DLGAP1: variants seen among roughly 807,000 people sequenced by gnomAD.
The protein encoded by DLGAP1 is DLG associated protein 1.
DLGAP1 carries 11 observed loss-of-function variants against 90.8 expected under a neutral mutation model. The ratio of observed to expected loss-of-function variants is 0.12; its 90% CI spans 0.08 to 0.20. The LOEUF is 0.20. Among genes scored for constraint, DLGAP1 ranks in the 10% least tolerant of loss-of-function variants. The pLI, the probability that DLGAP1 is intolerant of heterozygous loss-of-function variation, is 1.00. For missense variants in DLGAP1, 1,050 were observed against 1,333.8 expected, an observed-to-expected ratio of 0.79 and a Z score of 3.31; for synonymous variants, 558 against 540.7, an observed-to-expected ratio of 1.03 and a Z score of -0.44.
chr18:4,426,078 A>G (rs2083146102), intron 1 of DLGAP1, among the ~76,000 whole-genome samples: 1 of 152,208 alleles, frequency 6.6e-6, no homozygotes, highest in Admixed American at 6.5e-5. Context: ...CCAGAACACT[A>G]TAAAAACACA....
intron 1 of DLGAP1, among the ~76,000 whole-genome samples, chr18:4,219,013 C>T (rs1002252117): frequency 6.9e-5 from 9 of 130,242 alleles, no homozygotes; most frequent in Non-Finnish European, 4.8e-5. Context: ...GGGTCTTATG[C>T]TAGTTCTATC....
intron 6 of DLGAP1, among the ~76,000 whole-genome samples, chr18:3,732,703 G>T (rs915435875): frequency 7.2e-5 from 11 of 152,100 alleles, no homozygotes; most frequent in Non-Finnish European, 1.6e-4. Context: ...TTTTTGACAT[G>T]AAAGTAGTAA....
intron 3 of DLGAP1, among the ~76,000 whole-genome samples, chr18:3,925,555 A>T (rs1004384119): frequency 2.0e-5 from 3 of 152,122 alleles, no homozygotes; most frequent in Non-Finnish European, 4.4e-5. Context: ...AAATGTGTAT[A>T]AAAAAATTAG....
intron 7 of DLGAP1, among the ~76,000 whole-genome samples, chr18:3,635,253 C>G (rs2058666607): frequency 6.6e-6 from 1 of 151,998 alleles, no homozygotes; most frequent in Non-Finnish European, 1.5e-5. Context: ...GCCTCAGCCT[C>G]CCGAGTAGCT....
chr18:3,834,305 CAAAAAAA>C (rs35630074), intron 4 of DLGAP1, among the ~76,000 whole-genome samples: 37 of 33,168 alleles, frequency 1.1e-3, no homozygotes, highest in African/African-American at 4.0e-3. Context: ...GACTCTGTCT[CAAAAAAA>C]AAAAAAAAAA....
chr18:3,979,909 G>A (rs565691393), intron 3 of DLGAP1, among the ~76,000 whole-genome samples: 7 of 152,192 alleles, frequency 4.6e-5, no homozygotes, highest in Admixed American at 4.6e-4. Flanking sequence ...GCCGAGGCAG[G>A]TGGATCACTT....
At chr18:3,720,093 G>A (rs981661399) in intron 7 of DLGAP1, among the ~76,000 whole-genome samples, 1 of 152,148 alleles carries the variant, frequency 6.6e-6, no homozygotes, top group African/African-American at 2.4e-5. Context: ...AATGTCAAGT[G>A]TAATAATATT....
At chr18:3,709,291 A>T (rs1223738827) in intron 7 of DLGAP1, among the ~76,000 whole-genome samples, 1 of 152,126 alleles carries the variant, frequency 6.6e-6, no homozygotes, top group Non-Finnish European at 1.5e-5. Context: ...TCTGCCTCCA[A>T]ATATTTACCG....
intron 3 of DLGAP1, among the ~76,000 whole-genome samples, chr18:3,905,016 C>A (rs1377593141): frequency 1.3e-5 from 2 of 151,002 alleles, no homozygotes; most frequent in East Asian, 3.9e-4. Flanking sequence ...ATATCTATTC[C>A]ATTTTCTCTA....
At chr18:3,772,345 TC>T (rs1435108770) in intron 5 of DLGAP1, among the ~76,000 whole-genome samples, 14 of 15,498 alleles carry the variant, frequency 9.0e-4, no homozygotes, top group African/African-American at 1.9e-3. Flanking sequence ...TCTCTCTCTC[TC>T]TCTTTCTTTC....
intron 2 of DLGAP1, among the ~76,000 whole-genome samples, chr18:4,124,357 A>C (rs1390919113): frequency 6.6e-6 from 1 of 152,224 alleles, no homozygotes; most frequent in Non-Finnish European, 1.5e-5. Context: ...AAATGTTCGA[A>C]TAATCCTCAT....
intron 1 of DLGAP1, among the ~76,000 whole-genome samples, chr18:4,164,531 T>G (rs1261503900): frequency 6.6e-6 from 1 of 151,764 alleles, no homozygotes; most frequent in Admixed American, 6.6e-5. Context: ...AATACAAAAA[T>G]TAGCTGGCTG....
intron 5 of DLGAP1, among the ~76,000 whole-genome samples, chr18:3,808,384 G>T (rs947970840): frequency 2.0e-5 from 3 of 152,116 alleles, no homozygotes; most frequent in African/African-American, 7.2e-5. Flanking sequence ...ATAGAAGAAA[G>T]TATTATAGTC....
chr18:4,208,813 G>A (rs1022648903), intron 1 of DLGAP1, among the ~76,000 whole-genome samples: 5 of 151,624 alleles, frequency 3.3e-5, no homozygotes, highest in African/African-American at 1.2e-4. Context: ...TTGGGGGGGT[G>A]GAGAGAGAGA....
chr18:3,592,633 G>A (rs973731026), intron 7 of DLGAP1, among the ~76,000 whole-genome samples: 1 of 151,942 alleles, frequency 6.6e-6, no homozygotes, highest in Non-Finnish European at 1.5e-5. Flanking sequence ...TAGCCCAGGT[G>A]TTGGAGACCA....
intron 3 of DLGAP1, among the ~76,000 whole-genome samples, chr18:3,953,636 G>C (rs376996410): frequency 3.9e-4 from 59 of 152,218 alleles, no homozygotes; most frequent in African/African-American, 1.4e-3. Flanking sequence ...GATTAGCGCT[G>C]AGATAAACAT....
intron 5 of DLGAP1, among the ~76,000 whole-genome samples, chr18:3,797,360 C>T (rs2066051337): frequency 6.6e-6 from 1 of 151,030 alleles, no homozygotes; most frequent in South Asian, 2.1e-4. Flanking sequence ...CACTCAAGAG[C>T]TCTCTCTCTG....
chr18:4,368,752 A>G (rs927911603), intron 1 of DLGAP1, among the ~76,000 whole-genome samples: 1 of 137,136 alleles, frequency 7.3e-6, no homozygotes, highest in Non-Finnish European at 1.6e-5. Flanking sequence ...AATTTTCAAG[A>G]TAGTATAATA....
At position 3,729,028 on chromosome 18, in the gene DLGAP1, T is replaced by A. The variant is rs1185872233; in HGVS notation, c.1591+107A>T. 2.5e-5 allele frequency: 36 copies of A among 1,467,522 alleles called. No individual in the cohort carries two copies. The highest frequency in any genetic ancestry group is 3.1e-5 in the Non-Finnish European group (34 of 1,104,236). The allele number at this position is 1,467,522 out of a possible 1,614,324, so 90.9% of individuals were successfully genotyped here. A position where few individuals can be genotyped will look rare whatever the true frequency, so the allele number is the denominator to read the frequency against. On this transcript the variant is annotated intron_variant, in intron 7 of 12. Transcript: ENST00000315677. This position sits in a 1 kb window ranked among gnomAD's most constrained non-coding sequence, Gnocchi z 6.2. ...TTTGGTTTGTAGGACATGGGTGGTA[T>A]CTTGTTCCTGGCAACTATGTGTGTT... is the stretch of plus-strand genomic sequence containing the variant.
Sources: allele counts gnomAD v4.1 joint callset (sites outside exome capture counted in the v4.1 genomes callset), GRCh38; gene constraint gnomAD v4.1.1; non-coding constraint Gnocchi (gnomAD v3.1); transcripts MANE v1.5; gene names NCBI Gene and HGNC (gene_info 2026-07-23, HGNC 2026-07-21).